MLLT3: variants seen among roughly 807,000 people sequenced by gnomAD.
MLLT3 encodes MLLT3 super elongation complex subunit.
A neutral mutation model predicts 53.2 loss-of-function variants in MLLT3; 4 were observed. The ratio of observed to expected loss-of-function variants is 0.08; its 90% CI spans 0.04 to 0.17. The LOEUF (loss-of-function observed/expected upper bound fraction) is 0.17. MLLT3 is among the 10% of genes least tolerant of loss of function. MLLT3 has a pLI of 1.00. For missense variants in MLLT3, 569 were observed against 684.0 expected, an observed-to-expected ratio of 0.83 and a Z score of 1.87; for synonymous variants, 283 against 230.6, an observed-to-expected ratio of 1.23 and a Z score of -2.06.
intron 8 of MLLT3, among the ~76,000 whole-genome samples, chr9:20,355,383 C>T (rs907757540): frequency 1.3e-5 from 2 of 152,192 alleles, no homozygotes; most frequent in African/African-American, 4.8e-5. Flanking sequence ...ACTGATACAG[C>T]TTTGGAAATG....
intron 5 of MLLT3, among the ~76,000 whole-genome samples, chr9:20,381,735 A>T (rs1821913395): frequency 6.6e-6 from 1 of 151,900 alleles, no homozygotes; most frequent in African/African-American, 2.4e-5. Flanking sequence ...TTTTTCTGGT[A>T]AGTTAAATCT....
At chr9:20,434,076 GTGCCAC>G (rs1442078358) in intron 4 of MLLT3, among the ~76,000 whole-genome samples, 1 of 151,952 alleles carries the variant, frequency 6.6e-6, no homozygotes, top group African/African-American at 2.4e-5. Flanking sequence ...AGCCAAGACG[GTGCCAC>G]TGCACTCCAG....
At chr9:20,442,148 C>A (rs1185350008) in intron 4 of MLLT3, among the ~76,000 whole-genome samples, 1 of 152,152 alleles carries the variant, frequency 6.6e-6, no homozygotes, top group Non-Finnish European at 1.5e-5. Flanking sequence ...TGCTCACCAT[C>A]ACTCATGAGA....
At chr9:20,574,951 A>G (rs1256355351) in intron 2 of MLLT3, among the ~76,000 whole-genome samples, 1 of 152,222 alleles carries the variant, frequency 6.6e-6, no homozygotes, top group Non-Finnish European at 1.5e-5. Context: ...CATTTCAACA[A>G]TGTTCAAAGC....
At chr9:20,346,689 T>C (rs1323999783) in intron 10 of MLLT3, 115 bp from the exon 11 acceptor site, 2 of 1,006,858 alleles carry the variant, frequency 2.0e-6, no homozygotes, top group African/African-American at 1.6e-5. Context: ...TTCGTATTTA[T>C]AGCAACAAGG....
At chr9:20,398,406 T>G (rs1400959359) in intron 5 of MLLT3, among the ~76,000 whole-genome samples, 1 of 152,132 alleles carries the variant, frequency 6.6e-6, no homozygotes, top group Non-Finnish European at 1.5e-5. Flanking sequence ...TTGTAGTTAC[T>G]CAGATGTGAT....
intron 5 of MLLT3, among the ~76,000 whole-genome samples, chr9:20,381,663 A>G (rs1419604180): frequency 6.6e-6 from 1 of 151,946 alleles, no homozygotes; most frequent in Admixed American, 6.6e-5. Context: ...ATTTTAATGT[A>G]TAATTAAGGG....
intron 2 of MLLT3, among the ~76,000 whole-genome samples, chr9:20,564,136 A>G (rs898206614): frequency 1.3e-5 from 2 of 152,152 alleles, no homozygotes; most frequent in Non-Finnish European, 2.9e-5. Flanking sequence ...AGCAGGTAAT[A>G]TATCATCCCT....
chr9:20,576,957 A>ACCAG (rs1819670761), intron 2 of MLLT3, among the ~76,000 whole-genome samples: 1 of 152,204 alleles, frequency 6.6e-6, no homozygotes, highest in Non-Finnish European at 1.5e-5. Context: ...TCTGGGCAAT[A>ACCAG]TAGTGAGATC....
At chr9:20,436,977 A>G (rs1191546737) in intron 4 of MLLT3, among the ~76,000 whole-genome samples, 4 of 152,144 alleles carry the variant, frequency 2.6e-5, no homozygotes, top group South Asian at 2.1e-4. Context: ...CCAACACCTC[A>G]TTTTACAAAT....
chr9:20,446,332 G>C (rs1413314118), intron 4 of MLLT3, among the ~76,000 whole-genome samples: 1 of 152,168 alleles, frequency 6.6e-6, no homozygotes, highest in African/African-American at 2.4e-5. Flanking sequence ...AGGAAAGTTA[G>C]AAGTCAAGAA....
intron 5 of MLLT3, among the ~76,000 whole-genome samples, chr9:20,386,676 T>A (rs746003611): frequency 1.3e-5 from 2 of 152,196 alleles, no homozygotes; most frequent in African/African-American, 2.4e-5. Context: ...GCCAAGTGAA[T>A]ATGTGACTAC....
chr9:20,518,642 G>A lies in MLLT3; in HGVS notation c.194-61856C>T, dbSNP rs953276342. On this transcript the variant is annotated intron_variant, in intron 2 of 10. Transcript: ENST00000380338. ...ATACCACCTTAAACAAGTGAACAAG[G>A]TTAACACCAGTAATACATACTGATA... 2.6e-5 allele frequency among the ~76,000 whole-genome samples: 4 copies of A among 152,262 alleles called. 1 individual carries two copies. In the South Asian group the frequency reaches 8.3e-4, roughly 32 times the overall value.
At chr9:20,421,871 G>A (rs1823017508) in intron 4 of MLLT3, among the ~76,000 whole-genome samples, 1 of 152,152 alleles carries the variant, frequency 6.6e-6, no homozygotes, top group African/African-American at 2.4e-5. Context: ...AAGGGAAAGA[G>A]TGAAGCAAAA....
At chr9:20,423,447 G>A (rs1483859405) in intron 4 of MLLT3, among the ~76,000 whole-genome samples, 5 of 152,098 alleles carry the variant, frequency 3.3e-5, no homozygotes, top group East Asian at 1.9e-4. Context: ...ATTAAAAAAT[G>A]CAATGGGCCC....
chr9:20,479,244 G>A (rs1227496598), intron 2 of MLLT3, among the ~76,000 whole-genome samples: 1 of 152,054 alleles, frequency 6.6e-6, no homozygotes, highest in Non-Finnish European at 1.5e-5. Flanking sequence ...CTCTTTTTAT[G>A]CTTTCAGGTT....
rs556658324 is a variant in MLLT3, at chr9:20,403,117, TA to T, written c.1125+10603del. ...GGGCCTGCATCCGAGGGCCCCCTTTTAAAAAAAAAAAAACAATGAGACCCCT... is the reference window on the plus strand; with the variant it reads ...GGGCCTGCATCCGAGGGCCCCCTTTTAAAAAAAAAAAACAATGAGACCCCT... On this transcript the variant is annotated intron_variant, in intron 5 of 10. Transcript: ENST00000380338. Among the ~76,000 whole-genome samples, 470 of 143,892 alleles carry T rather than the reference TA, an allele frequency of 3.3e-3. 1 individual carries two copies. Among genetic ancestry groups the T allele is most frequent in the African/African-American group, 7.9e-3 (315 of 39,844 alleles). 94.4% of individuals were successfully genotyped at this position (143,892 alleles called of 152,430 possible). A position where few individuals can be genotyped will look rare whatever the true frequency, so the allele number is the denominator to read the frequency against.
intron 2 of MLLT3, among the ~76,000 whole-genome samples, chr9:20,500,690 T>C (rs1193898536): frequency 1.3e-5 from 2 of 152,232 alleles, no homozygotes; most frequent in East Asian, 3.8e-4. Context: ...TCCCCATTCT[T>C]ATTTCTCCCA....
In MLLT3 at chr9:20,343,214, A is replaced by AAAAAAAAAAAAAAAAAAAAAAAATT; in HGVS notation, c.*3228_*3229insAATTTTTTTTTTTTTTTTTTTTTTT. 2 of 115,074 alleles carry AAAAAAAAAAAAAAAAAAAAAAAATT rather than the reference A, an allele frequency of 1.7e-5. No homozygotes were observed. Among genetic ancestry groups the AAAAAAAAAAAAAAAAAAAAAAAATT allele is most frequent in the African/African-American group, 6.7e-5 (1 of 14,956 alleles). 7.1% of individuals were successfully genotyped at this position (115,074 alleles called of 1,614,324 possible). A position where few individuals can be genotyped will look rare whatever the true frequency, so the allele number is the denominator to read the frequency against. ...AAAAAAAAAAAAAAAAAAAAAAAAAATTTTGAAGAAACTTTTTAGTGGAAG... is the reference window on the plus strand; with the variant it reads ...AAAAAAAAAAAAAAAAAAAAAAAAAAAAAAAAAAAAAAAAAAAAAAAAATTTTTTGAAGAAACTTTTTAGTGGAAG... On this transcript the variant is annotated 3_prime_UTR_variant, in exon 11 of 11. Coordinates refer to ENST00000380338, the MANE Select transcript of MLLT3 (RefSeq NM_004529.4).
Sources: gnomAD v4.1 joint callset for allele counts (sites outside exome capture counted in the v4.1 genomes callset) on GRCh38, gnomAD v4.1.1 for gene constraint, MANE v1.5 for transcripts, NCBI Gene and HGNC (gene_info 2026-07-23, HGNC 2026-07-21) for gene names.